NUSAP1: variants seen among roughly 807,000 people sequenced by gnomAD.
The protein encoded by NUSAP1 is nucleolar and spindle-associated protein 1.
A neutral mutation model predicts 52.8 loss-of-function variants in NUSAP1; 32 were observed. The ratio of observed to expected loss-of-function variants is 0.61; its 90% CI spans 0.46 to 0.81. The LOEUF (loss-of-function observed/expected upper bound fraction) is 0.81, where lower values mean the gene tolerates loss of function less well. Among genes scored for constraint, NUSAP1 ranks in the 40% least tolerant of loss-of-function variants. The pLI is 0.00. For missense variants in NUSAP1, 499 were observed against 522.3 expected (o/e 0.96, Z 0.43); for synonymous variants, 195 against 183.1 (o/e 1.06, Z -0.52).
At chr15:41,379,444 G>A (rs1189832498) in intron 10 of NUSAP1, among the ~76,000 whole-genome samples, 1 of 152,158 alleles carries the variant, frequency 6.6e-6, no homozygotes, top group African/African-American at 2.4e-5. Context: ...TTATAGGTGT[G>A]AGCCACTGCA....
At chr15:41,349,766 C>CTTT (rs1181209511) in intron 3 of NUSAP1, among the ~76,000 whole-genome samples, 8 of 123,542 alleles carry the variant, frequency 6.5e-5, no homozygotes, top group Non-Finnish European at 1.0e-4. Flanking sequence ...TTTTTCTTTT[C>CTTT]TTTTTTTTTT....
At chr15:41,352,695 T>TA (rs1168066990) in intron 4 of NUSAP1, among the ~76,000 whole-genome samples, 3 of 152,060 alleles carry the variant, frequency 2.0e-5, no homozygotes, top group African/African-American at 7.2e-5. Flanking sequence ...TACCTGGGAC[T>TA]ATAGGCATGC....
At chr15:41,367,081 G>A (rs774403854) in intron 7 of NUSAP1, among the ~76,000 whole-genome samples, 3 of 152,192 alleles carry the variant, frequency 2.0e-5, no homozygotes, top group Non-Finnish European at 4.4e-5. Context: ...GGGACCGTGG[G>A]GCTGTTTCTC....
intron 3 of NUSAP1, among the ~76,000 whole-genome samples, chr15:41,349,787 AC>A (rs1171770032): frequency 1.6e-5 from 2 of 123,378 alleles, no homozygotes; most frequent in Non-Finnish European, 3.3e-5. Context: ...TTTTTTTGAG[AC>A]AGAGTTTCAC....
At chr15:41,347,010 T>C (rs1429301162) in intron 2 of NUSAP1, among the ~76,000 whole-genome samples, 1 of 151,336 alleles carries the variant, frequency 6.6e-6, no homozygotes, top group Non-Finnish European at 1.5e-5. Flanking sequence ...CCGTCTCTAC[T>C]AAAATACAAA....
intron 6 of NUSAP1, among the ~76,000 whole-genome samples, chr15:41,365,162 GTTTGTTTTTTGTT>G (rs1451263789): frequency 2.0e-5 from 3 of 152,052 alleles, no homozygotes; most frequent in Admixed American, 1.3e-4. Flanking sequence ...AAGTCTTTTT[GTTTGTTTTTTGTT>G]TTTGTTTTTT....
intron 4 of NUSAP1, among the ~76,000 whole-genome samples, chr15:41,352,748 G>T (rs1396040530): frequency 6.6e-6 from 1 of 151,944 alleles, no homozygotes; most frequent in Non-Finnish European, 1.5e-5. Flanking sequence ...GTAGAGACAG[G>T]GTTTCACCAT....
At position 41,380,826 on chromosome 15, in the gene NUSAP1, C is replaced by T. The variant is rs2050178211; in HGVS notation, c.*640C>T. ...CATTGCTTACTTAAAAGCTACATAGCCCTATCGAAATGCGAGGATTAATGC... is the reference window on the plus strand; with the variant it reads ...CATTGCTTACTTAAAAGCTACATAGTCCTATCGAAATGCGAGGATTAATGC... On this transcript the variant is annotated 3_prime_UTR_variant, in exon 11 of 11. Transcript: ENST00000559596. 2 of 152,158 alleles carry T rather than the reference C, an allele frequency of 1.3e-5. No homozygotes were observed. Among genetic ancestry groups the T allele is most frequent in the African/African-American group, 4.8e-5 (2 of 41,430 alleles). The allele number at this position is 152,158 out of a possible 1,614,324, so 9.4% of individuals were successfully genotyped here.
chr15:41,338,231 G>A (rs1006820171), intron 1 of NUSAP1, among the ~76,000 whole-genome samples: 4 of 151,904 alleles, frequency 2.6e-5, no homozygotes, highest in East Asian at 3.9e-4. Context: ...CACTGCGTCC[G>A]GCCCATTCCC....
intron 3 of NUSAP1, among the ~76,000 whole-genome samples, chr15:41,350,453 CTT>C (rs924268574): frequency 6.9e-6 from 1 of 145,318 alleles, no homozygotes; most frequent in Non-Finnish European, 1.5e-5. Flanking sequence ...TTGTATTTCT[CTT>C]TTTTTTTTCT....
At position 41,344,831 on chromosome 15, in the gene NUSAP1, C is replaced by T. The variant is rs186934081; in HGVS notation, c.162+2377C>T. Among the ~76,000 whole-genome samples the T allele has an allele frequency of 2.5e-3, 380 of 152,212 alleles. 2 individuals carry two copies. The highest frequency in any genetic ancestry group is 6.4e-3 in the South Asian group (31 of 4,826). ...ATGCACACAGCTGTACTCCCAGCTA[C>T]TCAAGAGGATGAGGCAGGAGAATTA... On this transcript the variant is annotated intron_variant, in intron 2 of 10. Coordinates refer to ENST00000559596, the MANE Select transcript of NUSAP1 (RefSeq NM_016359.5).
At chr15:41,362,899 G>A (rs758238632) in intron 6 of NUSAP1, among the ~76,000 whole-genome samples, 3 of 152,086 alleles carry the variant, frequency 2.0e-5, no homozygotes, top group Non-Finnish European at 4.4e-5. Flanking sequence ...CTTGAAGCCC[G>A]TAGGCGGAGA....
At chr15:41,362,988 T>C (rs966283108) in intron 6 of NUSAP1, among the ~76,000 whole-genome samples, 1 of 151,854 alleles carries the variant, frequency 6.6e-6, no homozygotes, top group Non-Finnish European at 1.5e-5. Context: ...TGTATAGACA[T>C]ATATACTTAT....
chr15:41,356,115 TA>T lies in NUSAP1; in HGVS notation c.529del (p.Arg177GlufsTer40). On this transcript the variant is annotated frameshift_variant, in exon 5 of 11. Transcript: ENST00000559596. LOFTEE classifies it high-confidence loss of function. ...TDESSKPGKN[K>X]RTAITTPNFK... Reference sequence around the variant, plus strand: ...ATGAGTCATCCAAACCTGGAAAAAATAAAAGAACTGCAATCACTACTCCAAG... The same window carrying T: ...ATGAGTCATCCAAACCTGGAAAAAATAAAGAACTGCAATCACTACTCCAAG... 1.2e-6 allele frequency: 2 copies of T among 1,604,108 alleles called. No homozygotes were observed. The highest frequency in any genetic ancestry group is 1.7e-6 in the Non-Finnish European group (2 of 1,174,596).
rs1289581111 is a variant in NUSAP1, at chr15:41,340,184, TA to T, written c.94-2200del. 4.6e-5 allele frequency among the ~76,000 whole-genome samples: 7 copies of T among 152,236 alleles called. No individual in the cohort carries two copies. The East Asian group carries it at 1.4e-3, about 29-fold the overall frequency. On this transcript the variant is annotated intron_variant, in intron 1 of 10. Transcript: ENST00000559596. ...CTCAGTGTTCACCATACTTCTACCATAAGGGCAGTTTCTGTCTTTCAACTCA... is the reference window on the plus strand; with the variant it reads ...CTCAGTGTTCACCATACTTCTACCATAGGGCAGTTTCTGTCTTTCAACTCA...
chr15:41,376,735 A>G (rs971546478), intron 9 of NUSAP1, among the ~76,000 whole-genome samples: 32 of 151,456 alleles, frequency 2.1e-4, no homozygotes, highest in African/African-American at 7.2e-4. Flanking sequence ...TTAAAAAAAA[A>G]AGCAACACAT....
chr15:41,379,031 G>A (rs558061359), intron 10 of NUSAP1, among the ~76,000 whole-genome samples: 2 of 123,590 alleles, frequency 1.6e-5, no homozygotes, highest in Admixed American at 2.3e-4. Context: ...TTGGCTCACT[G>A]CAACCTCTGC....
chr15:41,357,739 C>G (rs1049710273), intron 5 of NUSAP1, among the ~76,000 whole-genome samples: 7 of 152,142 alleles, frequency 4.6e-5, no homozygotes, highest in African/African-American at 1.7e-4. Flanking sequence ...GCCACCATGA[C>G]CAGCCAAGTC....
chr15:41,349,766 C>CTTTTTTTTTTTT (rs1181209511), intron 3 of NUSAP1, among the ~76,000 whole-genome samples: 6 of 123,530 alleles, frequency 4.9e-5, no homozygotes, highest in East Asian at 2.3e-4. Context: ...TTTTTCTTTT[C>CTTTTTTTTTTTT]TTTTTTTTTT....
Sources: gnomAD v4.1 joint callset for allele counts (sites outside exome capture counted in the v4.1 genomes callset) on GRCh38, gnomAD v4.1.1 for gene constraint, MANE v1.5 for transcripts, NCBI Gene and HGNC (gene_info 2026-07-23, HGNC 2026-07-21) for gene names.